PHEX: variants seen among roughly 807,000 people sequenced by gnomAD.
The protein encoded by PHEX is phosphate-regulating neutral endopeptidase PHEX.
A neutral mutation model predicts 68.0 loss-of-function variants in PHEX; 16 were observed. The observed-to-expected ratio is 0.24, with a 90% CI of 0.16 to 0.36. PHEX has a LOEUF of 0.36. Ranked by LOEUF, PHEX falls within the 10% of genes least tolerant of loss-of-function variation. The probability of loss-of-function intolerance (pLI) is 1.00; values close to 1 mark genes in which losing one functional copy is unlikely to be tolerated. For missense variants in PHEX, 480 were observed against 575.5 expected, an observed-to-expected ratio of 0.83 and a Z score of 1.70; for synonymous variants, 208 against 205.1, an observed-to-expected ratio of 1.01 and a Z score of -0.12.
rs951488815 is a variant in PHEX, at chrX:22,032,447, C to CTGAAAGAATATCTT, written c.-558_-557insGAAAGAATATCTTT. On this transcript the variant is annotated 5_prime_UTR_variant, in exon 1 of 22. Coordinates refer to ENST00000379374, the MANE Select transcript of PHEX (RefSeq NM_000444.6). The stretch of plus-strand genomic sequence containing the variant: ...ACTCTTAGAAGGCTTTAAAAAGGGA[C>CTGAAAGAATATCTT]TCACACACTGAAAGAATATCTTTGA... The CTGAAAGAATATCTT allele has an allele frequency of 1.7e-5, 2 of 118,606 alleles. No homozygotes were observed. The highest frequency in any genetic ancestry group is 6.6e-5 in the African/African-American group (2 of 30,494). The allele number at this position is 118,606 out of a possible 1,213,427, so 9.8% of individuals were successfully genotyped here. A position where few individuals can be genotyped will look rare whatever the true frequency, so the allele number is the denominator to read the frequency against.
chrX:22,053,077 C>T (rs757209082), intron 3 of PHEX, among the ~76,000 whole-genome samples: 3 of 111,790 alleles, frequency 2.7e-5, no homozygotes, highest in East Asian at 5.5e-4. Flanking sequence ...GCAGGCCTTC[C>T]GTAAATATTT....
At chrX:22,129,712 G>A (rs1411804769) in intron 11 of PHEX, among the ~76,000 whole-genome samples, 2 of 110,975 alleles carry the variant, frequency 1.8e-5, no homozygotes, top group Non-Finnish European at 3.8e-5. Flanking sequence ...CTTCCTTTTC[G>A]CTGGATCCTT....
intron 20 of PHEX, among the ~76,000 whole-genome samples, chrX:22,239,306 C>CA (rs1936100244): frequency 9.0e-6 from 1 of 111,418 alleles, no homozygotes; most frequent in African/African-American, 3.3e-5. Flanking sequence ...CTGAAAACTC[C>CA]AAAACCCAGA....
intron 15 of PHEX, among the ~76,000 whole-genome samples, chrX:22,194,559 T>C (rs889937396): frequency 8.0e-5 from 9 of 112,814 alleles, no homozygotes; most frequent in African/African-American, 2.9e-4. Context: ...ACATCTAAGA[T>C]GTAACTATAC....
At chrX:22,077,335 A>G in intron 4 of PHEX, 141 bp from the exon 5 acceptor site, 1 of 549,000 alleles carries the variant, frequency 1.8e-6, no homozygotes. Context: ...ATCCCACCCC[A>G]CCTCTTTTAC....
At position 22,056,007 on chromosome X, in the gene PHEX, C is replaced by T. The variant is rs567489846; in HGVS notation, c.349+8796C>T. ...GCTCCTCTGTCATTAGCGGTTTCTA[C>T]TACAAATAAGTTGGGTATGCTTGGT... On this transcript the variant is annotated intron_variant, in intron 3 of 21. Coordinates refer to ENST00000379374, the MANE Select transcript of PHEX (RefSeq NM_000444.6). Among the ~76,000 whole-genome samples, 27 of 112,479 alleles carry T rather than the reference C, an allele frequency of 2.4e-4. No individual in the cohort carries two copies. The South Asian group carries it at 9.8e-3, about 41-fold the overall frequency.
intron 9 of PHEX, among the ~76,000 whole-genome samples, chrX:22,100,946 C>T (rs1274045969): frequency 9.0e-6 from 1 of 110,964 alleles, no homozygotes; most frequent in Non-Finnish European, 1.9e-5. Flanking sequence ...CTGAGGTGGG[C>T]AGATCACTTG....
At chrX:22,079,110 T>G (rs760909468) in intron 5 of PHEX, among the ~76,000 whole-genome samples, 2 of 112,203 alleles carry the variant, frequency 1.8e-5, no homozygotes, top group Non-Finnish European at 3.8e-5. Flanking sequence ...AGTTGGTGTT[T>G]TGAAGTAAGC....
At chrX:22,045,444 A>G (rs960751316) in intron 2 of PHEX, among the ~76,000 whole-genome samples, 3 of 112,348 alleles carry the variant, frequency 2.7e-5, no homozygotes, top group Non-Finnish European at 5.6e-5. Context: ...CTAGAATGGT[A>G]GCCAGCAATT....
rs1227332115 is a variant in PHEX at position 22,249,788 on chromosome X, A to G, written c.*1835A>G. 1 of 110,239 alleles carries G rather than the reference A, an allele frequency of 9.1e-6. No homozygotes were observed. The highest frequency in any genetic ancestry group is 1.9e-5 in the Non-Finnish European group (1 of 52,932). 9.1% of individuals were successfully genotyped at this position (110,239 alleles called of 1,213,427 possible). A position where few individuals can be genotyped will look rare whatever the true frequency, so the allele number is the denominator to read the frequency against. On this transcript the variant is annotated 3_prime_UTR_variant, in exon 22 of 22. Transcript: ENST00000379374. ...TTCTGACTTGGTTTAGACATATAAG[A>G]TACTCTGTTTTATTCCTGGACTTGG...
At chrX:22,134,867 G>A (rs193248700) in intron 12 of PHEX, among the ~76,000 whole-genome samples, 13 of 111,701 alleles carry the variant, frequency 1.2e-4, no homozygotes, top group African/African-American at 3.6e-4. Context: ...GCCAGTCTCC[G>A]GGTGATTGTT....
At chrX:22,176,408 T>A (rs1319162412) in intron 13 of PHEX, among the ~76,000 whole-genome samples, 10 of 81,831 alleles carry the variant, frequency 1.2e-4, no homozygotes, top group African/African-American at 6.5e-4. Context: ...AAAAAATATA[T>A]ATATATATAT....
At chrX:22,209,707 T>C (rs1324009236) in intron 15 of PHEX, among the ~76,000 whole-genome samples, 25 of 89,355 alleles carry the variant, frequency 2.8e-4, no homozygotes, top group African/African-American at 1.1e-3. Flanking sequence ...CCTCTCCCTC[T>C]CTTCCCTCTG....
intron 12 of PHEX, among the ~76,000 whole-genome samples, chrX:22,149,559 G>A (rs1442509433): frequency 8.9e-6 from 1 of 112,273 alleles, no homozygotes; most frequent in Non-Finnish European, 1.9e-5. Context: ...TTCGAGACCA[G>A]CCTGGCCAAC....
At chrX:22,187,296 G>C (rs1934061959) in intron 14 of PHEX, among the ~76,000 whole-genome samples, 1 of 111,517 alleles carries the variant, frequency 9.0e-6, no homozygotes, top group Non-Finnish European at 1.9e-5. Flanking sequence ...TGATTGTAGG[G>C]GTAAGGTCTT....
chrX:22,249,455 A>AAAAAATATATATATATATATATAT lies in PHEX; in HGVS notation c.*1503_*1504insAAAATATATATATATATATATATA. On this transcript the variant is annotated 3_prime_UTR_variant, in exon 22 of 22. Coordinates refer to ENST00000379374, the MANE Select transcript of PHEX (RefSeq NM_000444.6). ...TTGTGATTCTTTTAAAAAAAAAAAA[A>AAAAAATATATATATATATATATAT]ATATATATATATATATATATATATA... 1.0e-4 allele frequency: 4 copies of AAAAAATATATATATATATATATAT among 39,752 alleles called. No homozygotes were observed. The highest frequency in any genetic ancestry group is 3.3e-4 in the African/African-American group (2 of 6,017). The allele number at this position is 39,752 out of a possible 1,213,427, so 3.3% of individuals were successfully genotyped here.
chrX:22,181,825 T>A (rs1481378167), intron 14 of PHEX, among the ~76,000 whole-genome samples: 4 of 112,091 alleles, frequency 3.6e-5, no homozygotes, highest in African/African-American at 1.3e-4. Context: ...GGTATTTTAT[T>A]TTATTCGTAG....
At chrX:22,103,915 C>A (rs762281523) in intron 9 of PHEX, among the ~76,000 whole-genome samples, 37 of 112,108 alleles carry the variant, frequency 3.3e-4, no homozygotes, top group Non-Finnish European at 4.3e-4. Context: ...AGTTTACATT[C>A]CCACCAGCAG....
chrX:22,153,133 A>G (rs1932884628), intron 12 of PHEX, among the ~76,000 whole-genome samples: 1 of 110,798 alleles, frequency 9.0e-6, no homozygotes, highest in East Asian at 2.8e-4. Flanking sequence ...TTGGGACTAT[A>G]GGCATGCACC....
Sources: gnomAD v4.1 joint callset for allele counts (sites outside exome capture counted in the v4.1 genomes callset) on GRCh38, gnomAD v4.1.1 for gene constraint, MANE v1.5 for transcripts, NCBI Gene and HGNC (gene_info 2026-07-23, HGNC 2026-07-21) for gene names.